The following SORCS2 variants were observed in gnomAD, a reference collection of about 807,000 sequenced individuals.
SORCS2 encodes the protein sortilin related VPS10 domain containing receptor 2, also known as VPS10 domain-containing receptor SorCS2.
In SORCS2, 100 loss-of-function variants were observed where a neutral mutation model predicts 141.6. That is an observed-to-expected ratio of 0.71 (90% CI 0.60 to 0.83). The LOEUF is 0.83. Ranked by LOEUF, SORCS2 falls within the 40% of genes least tolerant of loss-of-function variation. The pLI is 0.00. For missense variants in SORCS2, 1,646 were observed against 1,560.2 expected, an observed-to-expected ratio of 1.05 and a Z score of -0.93; for synonymous variants, 789 against 676.9, an observed-to-expected ratio of 1.17 and a Z score of -2.57.
chr4:7,497,715 C>T (rs1731713498), intron 2 of SORCS2, among the ~76,000 whole-genome samples: 1 of 152,232 alleles, frequency 6.6e-6, no homozygotes, highest in Non-Finnish European at 1.5e-5. Context: ...TGTCATGGTC[C>T]CCACCGCACA....
chr4:7,374,651 G>C (rs112911313), intron 1 of SORCS2, among the ~76,000 whole-genome samples: 1,858 of 152,220 alleles, frequency 0.012, 20 homozygotes, highest in African/African-American at 0.021. Flanking sequence ...TCTCAGTAAC[G>C]ACCAAGAGCT....
At chr4:7,684,647 G>T (rs1189133204) in intron 10 of SORCS2, among the ~76,000 whole-genome samples, 1 of 152,180 alleles carries the variant, frequency 6.6e-6, no homozygotes, top group Non-Finnish European at 1.5e-5. Context: ...AAGAACAAAA[G>T]TACCCGTTTG....
intron 2 of SORCS2, among the ~76,000 whole-genome samples, chr4:7,469,490 G>A (rs1376912132): frequency 6.6e-6 from 1 of 152,236 alleles, no homozygotes; most frequent in Non-Finnish European, 1.5e-5. Flanking sequence ...AAGAGCAGGA[G>A]GTGATGTATC....
At chr4:7,434,889 G>T in intron 2 of SORCS2, 2 of 1,540,472 alleles carry the variant, frequency 1.3e-6, no homozygotes, top group Non-Finnish European at 1.7e-6. Flanking sequence ...TGCTGCCCAG[G>T]GACTCTCTGG....
At chr4:7,488,876 C>T (rs928804846) in intron 2 of SORCS2, among the ~76,000 whole-genome samples, 1 of 152,246 alleles carries the variant, frequency 6.6e-6, no homozygotes, top group African/African-American at 2.4e-5. Flanking sequence ...GGTTTACATG[C>T]TTAAACTTCT....
chr4:7,468,403 C>A (rs61652399), intron 2 of SORCS2, among the ~76,000 whole-genome samples: 27,784 of 152,218 alleles, frequency 0.18, 2,575 homozygotes, highest in Admixed American at 0.21. Context: ...CTCATGGGAT[C>A]AGCCCAGGGC....
At chr4:7,216,690 G>GT (rs1448496816) in intron 1 of SORCS2, among the ~76,000 whole-genome samples, 1 of 151,914 alleles carries the variant, frequency 6.6e-6, no homozygotes, top group Non-Finnish European at 1.5e-5. Flanking sequence ...CTCTTTTAAG[G>GT]ACCCTCCTAA....
chr4:7,374,183 C>G (rs1257199905), intron 1 of SORCS2, among the ~76,000 whole-genome samples: 9 of 124,978 alleles, frequency 7.2e-5, no homozygotes, highest in Admixed American at 4.8e-4. Flanking sequence ...TTCTTTCTTT[C>G]TTTCTTTCTT....
At chr4:7,652,508 C>T (rs1258837811) in intron 4 of SORCS2, among the ~76,000 whole-genome samples, 5 of 152,138 alleles carry the variant, frequency 3.3e-5, no homozygotes, top group East Asian at 1.9e-4. Context: ...CCCCCGACCC[C>T]GCCCACTCCT....
intron 1 of SORCS2, among the ~76,000 whole-genome samples, chr4:7,311,742 T>C (rs1246834565): frequency 6.6e-6 from 1 of 152,260 alleles, no homozygotes; most frequent in East Asian, 1.9e-4. Context: ...AAGAGTTTGC[T>C]TTTGTCATGG....
intron 1 of SORCS2, among the ~76,000 whole-genome samples, chr4:7,258,583 TG>T (rs1256924913): frequency 2.0e-5 from 3 of 152,236 alleles, no homozygotes; most frequent in African/African-American, 7.2e-5. Flanking sequence ...TCTTTGCTAT[TG>T]TGAACAGTGC....
intron 1 of SORCS2, among the ~76,000 whole-genome samples, chr4:7,302,790 C>CTGTGT (rs1717523901): frequency 1.4e-5 from 2 of 147,372 alleles, no homozygotes; most frequent in Middle Eastern, 3.2e-3. Flanking sequence ...TGTGTGTGTG[C>CTGTGT]GCGCGCGTGT....
intron 1 of SORCS2, among the ~76,000 whole-genome samples, chr4:7,252,819 C>T (rs1713595380): frequency 6.6e-6 from 1 of 152,252 alleles, no homozygotes; most frequent in Non-Finnish European, 1.5e-5. Flanking sequence ...AAATCTCCAA[C>T]CAGCCTGGTT....
At chr4:7,519,534 G>A (rs975804286) in intron 2 of SORCS2, among the ~76,000 whole-genome samples, 14 of 152,222 alleles carry the variant, frequency 9.2e-5, no homozygotes, top group African/African-American at 3.4e-4. Context: ...CCAGTGTCTG[G>A]AAGAGACCCA....
chr4:7,730,014 A>G lies in SORCS2; in HGVS notation c.3108+302A>G, dbSNP rs536332842. 2.1e-4 allele frequency among the ~76,000 whole-genome samples: 32 copies of G among 152,268 alleles called. No individual in the cohort carries two copies. The East Asian group carries it at 5.6e-3, about 27-fold the overall frequency. On this transcript the variant is annotated intron_variant, in intron 23 of 26. Transcript: ENST00000507866. ...GGCTGGAGATGGTCACATGGCCCCAACCTGACTGCCAGGAGCACTGGGAAA... is the reference window on the plus strand; with the variant it reads ...GGCTGGAGATGGTCACATGGCCCCAGCCTGACTGCCAGGAGCACTGGGAAA...
intron 2 of SORCS2, among the ~76,000 whole-genome samples, chr4:7,487,383 G>A (rs1270845623): frequency 1.3e-5 from 2 of 152,210 alleles, no homozygotes; most frequent in African/African-American, 4.8e-5. Context: ...ATAAGGCTGT[G>A]ACTCCCTGTT....
At chr4:7,512,884 G>A (rs1224919993) in intron 2 of SORCS2, among the ~76,000 whole-genome samples, 1 of 152,024 alleles carries the variant, frequency 6.6e-6, no homozygotes, top group Non-Finnish European at 1.5e-5. Context: ...GCTGCCCTGC[G>A]GGCCCTGCCC....
In SORCS2 at chr4:7,703,264, C is replaced by A. The variant is rs757928684; in HGVS notation, c.1669-16C>A. 6.2e-7 allele frequency: 1 copy of A among 1,603,280 alleles called. No homozygotes were observed. On this transcript the variant is annotated splice_polypyrimidine_tract_variant and intron_variant, in intron 12 of 26. Transcript: ENST00000507866. ...TTCTCAGGCCCTGCCCTCAGCCACA[C>A]CACTCTCCTCTGCAGGTGTTTGAGG...
At chr4:7,356,257 T>C (rs1443759479) in intron 1 of SORCS2, among the ~76,000 whole-genome samples, 1 of 152,256 alleles carries the variant, frequency 6.6e-6, no homozygotes, top group Non-Finnish European at 1.5e-5. Context: ...TGCTGCCTTA[T>C]TCGGTTTGTT....
Sources: gnomAD v4.1 joint callset for allele counts (sites outside exome capture counted in the v4.1 genomes callset) on GRCh38, gnomAD v4.1.1 for gene constraint, MANE v1.5 for transcripts, NCBI Gene and HGNC (gene_info 2026-07-23, HGNC 2026-07-21) for gene names.